The following MMP16 variants were observed in gnomAD, a reference collection of about 807,000 sequenced individuals.
MMP16 encodes matrix metallopeptidase 16, also known as matrix metalloproteinase-16.
MMP16 carries 12 observed loss-of-function variants against 67.8 expected under a neutral mutation model. The ratio of observed to expected loss-of-function variants is 0.18; its 90% CI spans 0.11 to 0.29. The LOEUF (loss-of-function observed/expected upper bound fraction) is 0.29. Ranked by LOEUF, MMP16 falls within the 10% of genes least tolerant of loss-of-function variation. The pLI is 1.00. For missense variants in MMP16, 475 were observed against 765.7 expected (o/e 0.62, Z 4.48); for synonymous variants, 249 against 255.9 (o/e 0.97, Z 0.26).
chr8:88,246,646 A>C (rs1430254686), intron 1 of MMP16, among the ~76,000 whole-genome samples: 1 of 152,190 alleles, frequency 6.6e-6, no homozygotes, highest in Non-Finnish European at 1.5e-5. Context: ...GTATCAGTTA[A>C]AGAATTAGTC....
chr8:88,278,113 A>G (rs998651473), intron 1 of MMP16, among the ~76,000 whole-genome samples: 3 of 152,198 alleles, frequency 2.0e-5, no homozygotes, highest in African/African-American at 4.8e-5. Flanking sequence ...GTCATCTTGG[A>G]TCATTTAAGT....
At chr8:88,103,221 T>C (rs1255213555) in intron 6 of MMP16, among the ~76,000 whole-genome samples, 1 of 151,820 alleles carries the variant, frequency 6.6e-6, no homozygotes, top group African/African-American at 2.4e-5. Context: ...TTTCCCGATA[T>C]ATGTGGTCCT....
At chr8:88,270,104 T>A (rs2129970313) in intron 1 of MMP16, among the ~76,000 whole-genome samples, 1 of 152,282 alleles carries the variant, frequency 6.6e-6, no homozygotes, top group Admixed American at 6.5e-5. Context: ...CCCAGTTCTT[T>A]AAGACAAAGA....
In MMP16 at chr8:88,065,445, T is replaced by C. The variant is rs28991893; in HGVS notation, c.1222+9160A>G. ...AATTAGAGTTTCAAATATTAAACAT[T>C]TGGACCTATGTTTTAGATGATCATT... is the stretch of plus-strand genomic sequence containing the variant. On this transcript the variant is annotated intron_variant, in intron 7 of 9. Transcript: ENST00000286614. Among the ~76,000 whole-genome samples, 17 of 152,194 alleles carry C rather than the reference T, an allele frequency of 1.1e-4. No individual in the cohort carries two copies. In the East Asian group the frequency reaches 3.1e-3, roughly 28 times the overall value.
intron 1 of MMP16, among the ~76,000 whole-genome samples, chr8:88,306,470 G>A (rs1173648305): frequency 2.0e-5 from 3 of 151,840 alleles, no homozygotes; most frequent in African/African-American, 4.8e-5. Context: ...ACTAGGCAGC[G>A]ATACCACAAA....
At chr8:88,117,480 A>T (rs952668296) in intron 5 of MMP16, among the ~76,000 whole-genome samples, 1 of 152,150 alleles carries the variant, frequency 6.6e-6, no homozygotes, top group Admixed American at 6.6e-5. Context: ...GTATGGGAAG[A>T]ATATTCTTTT....
At chr8:88,157,010 C>G (rs1468350008) in intron 4 of MMP16, among the ~76,000 whole-genome samples, 3 of 152,084 alleles carry the variant, frequency 2.0e-5, no homozygotes, top group Admixed American at 2.0e-4. Flanking sequence ...CATGGACTAG[C>G]TGTTCATTAA....
chr8:88,310,917 T>C (rs1455718926), intron 1 of MMP16, among the ~76,000 whole-genome samples: 4 of 152,172 alleles, frequency 2.6e-5, no homozygotes, highest in African/African-American at 9.6e-5. Flanking sequence ...GTGTGTTTTT[T>C]TGTGTGTCCA....
At chr8:88,282,772 T>C (rs1270229313) in intron 1 of MMP16, among the ~76,000 whole-genome samples, 1 of 152,210 alleles carries the variant, frequency 6.6e-6, no homozygotes, top group Admixed American at 6.5e-5. Context: ...GTTTGTCAAA[T>C]GCTTTTTGGC....
At chr8:88,246,695 G>A (rs570536427) in intron 1 of MMP16, among the ~76,000 whole-genome samples, 3 of 152,156 alleles carry the variant, frequency 2.0e-5, no homozygotes, top group African/African-American at 7.2e-5. Flanking sequence ...CTTATAAATG[G>A]TACTGAATGA....
At chr8:88,297,888 C>T (rs1490090810) in intron 1 of MMP16, among the ~76,000 whole-genome samples, 1 of 151,994 alleles carries the variant, frequency 6.6e-6, no homozygotes, top group Non-Finnish European at 1.5e-5. Flanking sequence ...TGCAAAGTGC[C>T]GAAAATGTGG....
intron 6 of MMP16, among the ~76,000 whole-genome samples, chr8:88,107,966 T>C (rs1219373208): frequency 2.0e-5 from 3 of 151,144 alleles, no homozygotes; most frequent in Non-Finnish European, 3.0e-5. Context: ...ATGTAAAGCA[T>C]ATAGAAAAAT....
chr8:88,236,274 CTAGT>C (rs1809938830), intron 1 of MMP16, among the ~76,000 whole-genome samples: 1 of 152,188 alleles, frequency 6.6e-6, no homozygotes, highest in South Asian at 2.1e-4. Context: ...CTACCACTTA[CTAGT>C]TAAAGGTATG....
intron 6 of MMP16, among the ~76,000 whole-genome samples, chr8:88,090,055 G>A (rs927451549): frequency 6.6e-5 from 10 of 152,014 alleles, no homozygotes; most frequent in South Asian, 4.2e-4. Context: ...ATGTGGAAGC[G>A]AGGAGAGGAA....
At chr8:88,131,268 T>TACACACACACACACAC (rs111863181) in intron 4 of MMP16, among the ~76,000 whole-genome samples, 57 of 146,960 alleles carry the variant, frequency 3.9e-4, no homozygotes, top group Middle Eastern at 3.4e-3. Flanking sequence ...TATAGTATTA[T>TACACACACACACACAC]ACACACACAC....
chr8:88,071,730 A>G (rs950486448), intron 7 of MMP16, among the ~76,000 whole-genome samples: 1 of 152,128 alleles, frequency 6.6e-6, no homozygotes, highest in African/African-American at 2.4e-5. Context: ...AGTGTTTACT[A>G]TATTCCAGGT....
intron 1 of MMP16, among the ~76,000 whole-genome samples, chr8:88,219,800 AT>A (rs1170317339): frequency 2.0e-5 from 3 of 152,134 alleles, no homozygotes; most frequent in African/African-American, 7.2e-5. Flanking sequence ...AGCATCCTTA[AT>A]GCCATTTTCG....
intron 4 of MMP16, among the ~76,000 whole-genome samples, chr8:88,128,048 G>C (rs1043960146): frequency 6.6e-6 from 1 of 151,826 alleles, no homozygotes; most frequent in Non-Finnish European, 1.5e-5. Context: ...AACTGGAAAA[G>C]GTATGGCCTT....
intron 4 of MMP16, among the ~76,000 whole-genome samples, chr8:88,121,753 C>T (rs1161554213): frequency 6.6e-6 from 1 of 151,916 alleles, no homozygotes; most frequent in Non-Finnish European, 1.5e-5. Context: ...ATCTCCTTTC[C>T]TTTGTATACT....
Sources: allele counts gnomAD v4.1 joint callset (sites outside exome capture counted in the v4.1 genomes callset), GRCh38; gene constraint gnomAD v4.1.1; transcripts MANE v1.5; gene names NCBI Gene and HGNC (gene_info 2026-07-23, HGNC 2026-07-21).